Variants in PIBF1 observed in about 807,000 individuals in gnomAD.
The protein encoded by PIBF1 is progesterone-induced-blocking factor 1.
PIBF1 carries 90 observed loss-of-function variants against 112.5 expected under a neutral mutation model. That is an observed-to-expected ratio of 0.80 (90% CI 0.67 to 0.95). The LOEUF (loss-of-function observed/expected upper bound fraction) is 0.95. PIBF1 is among the 40% of genes least tolerant of loss of function. The pLI is 0.00. For synonymous variants in PIBF1, 301 were observed against 288.6 expected (o/e 1.04, Z -0.44); for missense variants, 915 against 852.3 (o/e 1.07, Z -0.92).
intron 15 of PIBF1, 109 bp from the exon 16 acceptor site, chr13:72,973,482 T>A: frequency 1.7e-6 from 1 of 580,258 alleles, no homozygotes; most frequent in Non-Finnish European, 3.0e-6. Flanking sequence ...TATAAATTTA[T>A]CTTTAGTTCA....
intron 15 of PIBF1, among the ~76,000 whole-genome samples, chr13:72,972,179 G>A (rs537704934): frequency 2.6e-5 from 4 of 151,666 alleles, no homozygotes; most frequent in Admixed American, 6.6e-5. Context: ...GACTAAAGGT[G>A]CATGTCTCCA....
chr13:72,826,247 T>C (rs1296798419), intron 6 of PIBF1, among the ~76,000 whole-genome samples: 1 of 152,172 alleles, frequency 6.6e-6, no homozygotes, highest in Non-Finnish European at 1.5e-5. Context: ...TATTTTGTGC[T>C]TTGCTCAGTT....
chr13:72,971,953 TAAAA>T (rs57192140), intron 15 of PIBF1, among the ~76,000 whole-genome samples: 11 of 146,684 alleles, frequency 7.5e-5, no homozygotes, highest in African/African-American at 2.5e-4. Context: ...TTTCTTGAAT[TAAAA>T]AAAAAAAAAA....
intron 11 of PIBF1, among the ~76,000 whole-genome samples, chr13:72,900,895 G>T (rs1356305956): frequency 6.6e-6 from 1 of 152,176 alleles, no homozygotes; most frequent in East Asian, 1.9e-4. Context: ...GGTGGTGCAT[G>T]CCTGTAATCC....
At chr13:72,849,441 G>A (rs7324457) in intron 9 of PIBF1, among the ~76,000 whole-genome samples, 15,709 of 152,120 alleles carry the variant, frequency 0.1, 2,308 homozygotes, top group African/African-American at 0.33. Flanking sequence ...TTTTGTAATT[G>A]TATTTCTGTT....
At chr13:72,959,147 C>T (rs969264734) in intron 14 of PIBF1, among the ~76,000 whole-genome samples, 3 of 152,062 alleles carry the variant, frequency 2.0e-5, no homozygotes, top group Non-Finnish European at 4.4e-5. Flanking sequence ...AGGCATGCGC[C>T]ACCACACCAG....
At chr13:72,915,790 A>C (rs1000174607) in intron 12 of PIBF1, among the ~76,000 whole-genome samples, 1 of 152,240 alleles carries the variant, frequency 6.6e-6, no homozygotes, top group Non-Finnish European at 1.5e-5. Context: ...GACAAAATTA[A>C]AAGAAAACAG....
chr13:72,967,245 A>G (rs1042187278), intron 15 of PIBF1, among the ~76,000 whole-genome samples: 3 of 152,132 alleles, frequency 2.0e-5, no homozygotes, highest in Non-Finnish European at 4.4e-5. Flanking sequence ...TAAAATTTGA[A>G]TCTTTTATAT....
intron 13 of PIBF1, among the ~76,000 whole-genome samples, chr13:72,924,442 G>A (rs1432141771): frequency 3.3e-5 from 5 of 151,978 alleles, no homozygotes; most frequent in African/African-American, 9.7e-5. Flanking sequence ...GGTACTTATC[G>A]CTATGCACAT....
intron 14 of PIBF1, among the ~76,000 whole-genome samples, chr13:72,957,025 C>T (rs1308326876): frequency 6.6e-6 from 1 of 152,076 alleles, no homozygotes; most frequent in Non-Finnish European, 1.5e-5. Context: ...TAGATATTGG[C>T]ATGGATGTGG....
intron 17 of PIBF1, among the ~76,000 whole-genome samples, chr13:73,005,090 A>G (rs7989257): frequency 0.99 from 151,040 of 152,206 alleles, 74,954 homozygotes; most frequent in Middle Eastern, 1. Flanking sequence ...CAGGAGAATC[A>G]CTTGAACCTG....
chr13:72,958,470 C>T (rs1011541351), intron 14 of PIBF1, among the ~76,000 whole-genome samples: 12 of 152,276 alleles, frequency 7.9e-5, no homozygotes, highest in African/African-American at 2.6e-4. Flanking sequence ...TTGGACCATA[C>T]TTTGTGGATC....
At chr13:72,905,024 A>G (rs1444057439) in intron 11 of PIBF1, among the ~76,000 whole-genome samples, 2 of 151,382 alleles carry the variant, frequency 1.3e-5, no homozygotes, top group Non-Finnish European at 2.9e-5. Flanking sequence ...CTGAACTGTG[A>G]TTAGACCTTA....
chr13:73,013,954 A>T (rs1020808175), intron 17 of PIBF1, among the ~76,000 whole-genome samples: 1 of 152,128 alleles, frequency 6.6e-6, no homozygotes, highest in African/African-American at 2.4e-5. Flanking sequence ...AAGTGAAAAA[A>T]CAAAAATTGA....
chr13:73,013,485 A>T (rs1047925568), intron 17 of PIBF1, among the ~76,000 whole-genome samples: 2 of 151,816 alleles, frequency 1.3e-5, no homozygotes, highest in African/African-American at 4.8e-5. Flanking sequence ...ATACTTAGGC[A>T]TATCATTTGC....
Position 72,783,512 on chromosome 13 carries a change from T to C in PIBF1, c.43T>C (p.Ser15Pro). 1 of 1,612,106 alleles carries C rather than the reference T, an allele frequency of 6.2e-7. No individual in the cohort carries two copies. The highest frequency in any genetic ancestry group is 8.5e-7 in the Non-Finnish European group (1 of 1,178,220). Residue 15 changes from serine (S) to proline (P), a missense_variant, in exon 2 of 18, where the codon TCT becomes CCT. Physicochemically the swap from Ser to Pro is moderately conservative, Grantham distance 74. Transcript: ENST00000326291. ...AAAGGAGTCAAAAAAAGTGAACATCTCTAGTTCTCTGGAATCTGAAGATAT... is the reference window on the plus strand; with the variant it reads ...AAAGGAGTCAAAAAAAGTGAACATCCCTAGTTCTCTGGAATCTGAAGATAT... ...ISKESKKVNI[S>P]SSLESEDISL...
chr13:72,844,963 T>G (rs1377180721), intron 9 of PIBF1, among the ~76,000 whole-genome samples: 1 of 152,076 alleles, frequency 6.6e-6, no homozygotes, highest in Non-Finnish European at 1.5e-5. Context: ...GGACTTTTTC[T>G]TTTCTTTTTT....
At chr13:72,864,598 C>G (rs1455616984) in intron 10 of PIBF1, among the ~76,000 whole-genome samples, 1 of 152,060 alleles carries the variant, frequency 6.6e-6, no homozygotes, top group Non-Finnish European at 1.5e-5. Context: ...TAGGCTGCTG[C>G]TCTGTTGCCA....
At chr13:73,012,758 C>CAATAATAATAATAAT (rs60685629) in intron 17 of PIBF1, among the ~76,000 whole-genome samples, 3 of 147,576 alleles carry the variant, frequency 2.0e-5, no homozygotes, top group Non-Finnish European at 4.5e-5. Flanking sequence ...CTGTCTCCAC[C>CAATAATAATAATAAT]AATAATAATA....
Sources: allele counts gnomAD v4.1 joint callset (sites outside exome capture counted in the v4.1 genomes callset), GRCh38; gene constraint gnomAD v4.1.1; transcripts MANE v1.5; gene names NCBI Gene and HGNC (gene_info 2026-07-23, HGNC 2026-07-21).